FBXL7: variants seen among roughly 807,000 people sequenced by gnomAD.
The protein encoded by FBXL7 is F-box/LRR-repeat protein 7.
A neutral mutation model predicts 38.3 loss-of-function variants in FBXL7; 12 were observed. The observed-to-expected ratio is 0.31, with a 90% CI of 0.20 to 0.51. The LOEUF (loss-of-function observed/expected upper bound fraction) is 0.51. FBXL7 is among the 20% of genes least tolerant of loss of function. FBXL7 has a pLI of 0.98. For missense variants in FBXL7, 567 were observed against 676.4 expected (o/e 0.84, Z 1.79); for synonymous variants, 297 against 300.9 (o/e 0.99, Z 0.13).
intron 2 of FBXL7, among the ~76,000 whole-genome samples, chr5:15,799,326 A>G (rs181418781): frequency 3.3e-4 from 47 of 142,990 alleles, no homozygotes; most frequent in African/African-American, 9.9e-4. Context: ...GCTGTAAAAG[A>G]TCTTTTAGGT....
At chr5:15,797,233 A>G (rs139683874) in intron 2 of FBXL7, among the ~76,000 whole-genome samples, 6 of 152,328 alleles carry the variant, frequency 3.9e-5, no homozygotes, top group Middle Eastern at 3.4e-3. Flanking sequence ...GACCAATAAA[A>G]TAGGTCATCA....
At chr5:15,741,331 A>G (rs532417333) in intron 2 of FBXL7, among the ~76,000 whole-genome samples, 1 of 152,308 alleles carries the variant, frequency 6.6e-6, no homozygotes, top group African/African-American at 2.4e-5. Flanking sequence ...GAAACATGAG[A>G]TCTACTTCCG....
intron 1 of FBXL7, among the ~76,000 whole-genome samples, chr5:15,565,255 T>C (rs1319064986): frequency 1.3e-5 from 2 of 152,102 alleles, no homozygotes; most frequent in Non-Finnish European, 2.9e-5. Flanking sequence ...AGACTGTTTC[T>C]AACATAACAC....
At chr5:15,687,013 T>G (rs542855797) in intron 2 of FBXL7, among the ~76,000 whole-genome samples, 5 of 152,306 alleles carry the variant, frequency 3.3e-5, no homozygotes, top group Admixed American at 2.0e-4. Flanking sequence ...AGCAAACCCA[T>G]CCCCATATCC....
intron 2 of FBXL7, among the ~76,000 whole-genome samples, chr5:15,848,522 C>T (rs985402067): frequency 6.6e-6 from 1 of 152,080 alleles, no homozygotes; most frequent in Non-Finnish European, 1.5e-5. Flanking sequence ...GCTGGGATTA[C>T]CAGCACCTGC....
chr5:15,834,721 G>A lies in FBXL7; in HGVS notation c.128-93169G>A, dbSNP rs571680858. ...ATCACAACTCTGCCACGTAGAAGCT[G>A]TGTGAACCTGACAAAGTTCTTAATG... On this transcript the variant is annotated intron_variant, in intron 2 of 3. Transcript: ENST00000504595. Among the ~76,000 whole-genome samples the A allele has an allele frequency of 3.9e-5, 6 of 152,194 alleles. No individual in the cohort carries two copies. The East Asian group carries it at 1.2e-3, about 29-fold the overall frequency.
intron 1 of FBXL7, among the ~76,000 whole-genome samples, chr5:15,597,405 A>G (rs1260398377): frequency 6.6e-6 from 1 of 152,044 alleles, no homozygotes; most frequent in East Asian, 1.9e-4. Flanking sequence ...TCATTTTTAT[A>G]AAAGATATAT....
intron 2 of FBXL7, among the ~76,000 whole-genome samples, chr5:15,662,847 C>G (rs1742134609): frequency 6.6e-6 from 1 of 152,044 alleles, no homozygotes; most frequent in Admixed American, 6.6e-5. Flanking sequence ...CTATGCTGTT[C>G]CATTGGTCTG....
At chr5:15,851,813 TACAC>T (rs35896061) in intron 2 of FBXL7, among the ~76,000 whole-genome samples, 1,371 of 133,618 alleles carry the variant, frequency 0.01, 9 homozygotes, top group Middle Eastern at 0.024. Flanking sequence ...TGCAAACTAA[TACAC>T]ACACACACAC....
chr5:15,822,267 C>G (rs1363963114), intron 2 of FBXL7, among the ~76,000 whole-genome samples: 1 of 151,652 alleles, frequency 6.6e-6, no homozygotes, highest in Non-Finnish European at 1.5e-5. Context: ...GAGGCTAAGG[C>G]AGGAGAATCG....
intron 2 of FBXL7, among the ~76,000 whole-genome samples, chr5:15,679,251 A>G (rs1306209197): frequency 6.6e-6 from 1 of 152,180 alleles, no homozygotes; most frequent in Non-Finnish European, 1.5e-5. Context: ...TGTTTTTTCA[A>G]CAATCCTCCC....
chr5:15,510,666 C>G (rs1248211938), intron 1 of FBXL7, among the ~76,000 whole-genome samples: 1 of 152,174 alleles, frequency 6.6e-6, no homozygotes, highest in African/African-American at 2.4e-5. Flanking sequence ...AATCAATGTT[C>G]TACTTAACTC....
At chr5:15,766,100 G>T (rs1336923561) in intron 2 of FBXL7, among the ~76,000 whole-genome samples, 1 of 139,700 alleles carries the variant, frequency 7.2e-6, no homozygotes, top group African/African-American at 2.5e-5. Context: ...TAATTGCCTG[G>T]TATTCTCTGC....
intron 2 of FBXL7, among the ~76,000 whole-genome samples, chr5:15,661,443 G>C (rs1331700120): frequency 2.0e-5 from 3 of 152,046 alleles, no homozygotes; most frequent in Admixed American, 2.0e-4. Context: ...TTGACTAGAA[G>C]TAGTGACAGC....
intron 2 of FBXL7, among the ~76,000 whole-genome samples, chr5:15,758,231 C>CG (rs1736350118): frequency 6.6e-6 from 1 of 150,980 alleles, no homozygotes; most frequent in African/African-American, 2.4e-5. Flanking sequence ...TTCTAAAAAT[C>CG]AGAGAGAAAA....
chr5:15,504,955 C>T (rs774914347), intron 1 of FBXL7, among the ~76,000 whole-genome samples: 2 of 152,188 alleles, frequency 1.3e-5, no homozygotes, highest in South Asian at 2.1e-4. Flanking sequence ...TTTGCAAAGC[C>T]GAGGACATTG....
At chr5:15,654,800 TTA>T (rs1741822311) in intron 2 of FBXL7, among the ~76,000 whole-genome samples, 2 of 152,198 alleles carry the variant, frequency 1.3e-5, no homozygotes, top group African/African-American at 4.8e-5. Context: ...AAATTTTATT[TTA>T]GATTTTTAAA....
intron 1 of FBXL7, among the ~76,000 whole-genome samples, chr5:15,593,018 C>T (rs758191936): frequency 6.6e-6 from 1 of 152,056 alleles, no homozygotes; most frequent in Non-Finnish European, 1.5e-5. Context: ...ATACTTAAGG[C>T]GAGGCAGTAA....
chr5:15,766,792 G>T (rs918022352), intron 2 of FBXL7, among the ~76,000 whole-genome samples: 7 of 152,094 alleles, frequency 4.6e-5, no homozygotes, highest in Admixed American at 3.9e-4. Context: ...GAAATAATAG[G>T]GAGAATAATT....
Sources: gnomAD v4.1 joint callset for allele counts (sites outside exome capture counted in the v4.1 genomes callset) on GRCh38, gnomAD v4.1.1 for gene constraint, MANE v1.5 for transcripts, NCBI Gene and HGNC (gene_info 2026-07-23, HGNC 2026-07-21) for gene names.